Variants in TTC3 observed in about 807,000 individuals in gnomAD.
TTC3 encodes the protein E3 ubiquitin-protein ligase TTC3.
TTC3 carries 180 observed loss-of-function variants against 249.6 expected under a neutral mutation model. The ratio of observed to expected loss-of-function variants is 0.72; its 90% CI spans 0.64 to 0.82. The LOEUF is 0.82. Among genes scored for constraint, TTC3 ranks in the 40% least tolerant of loss-of-function variants. The probability of loss-of-function intolerance (pLI) is 0.00; values close to 1 mark genes in which losing one functional copy is unlikely to be tolerated. For missense variants in TTC3, 2,061 were observed against 2,398.4 expected (o/e 0.86, Z 2.94); for synonymous variants, 717 against 805.0 (o/e 0.89, Z 1.85).
chr21:37,150,919 A>T, intron 25 of TTC3, 35 bp downstream of exon 25: 2 of 1,439,732 alleles, frequency 1.4e-6, no homozygotes, highest in South Asian at 1.2e-5. Flanking sequence ...TGGTTTGATG[A>T]TGTCTCTTAG....
intron 11 of TTC3, among the ~76,000 whole-genome samples, chr21:37,118,752 T>C (rs965459048): frequency 1.3e-5 from 2 of 152,306 alleles, no homozygotes; most frequent in Middle Eastern, 3.4e-3. Flanking sequence ...TTTTTCTAGC[T>C]TCCCTCTCTG....
intron 39 of TTC3, among the ~76,000 whole-genome samples, chr21:37,190,355 C>CT (rs1192360577): frequency 6.6e-6 from 1 of 151,576 alleles, no homozygotes; most frequent in Non-Finnish European, 1.5e-5. Flanking sequence ...ATGCTGGTCT[C>CT]TAACTCCTGA....
intron 6 of TTC3, among the ~76,000 whole-genome samples, 180 bp from the exon 7 acceptor site, chr21:37,091,113 G>A (rs553714015): frequency 6.6e-6 from 1 of 152,278 alleles, no homozygotes; most frequent in East Asian, 1.9e-4. Context: ...CATAGTATCT[G>A]TTAATTTATA....
At chr21:37,176,937 T>A (rs2082332155) in intron 35 of TTC3, among the ~76,000 whole-genome samples, 1 of 152,186 alleles carries the variant, frequency 6.6e-6, no homozygotes, top group Non-Finnish European at 1.5e-5. Flanking sequence ...TGTAGGCATA[T>A]CAGTTAATCA....
chr21:37,165,990 A>G (rs1188121987), exon 33 of TTC3: 1 of 1,614,206 alleles, frequency 6.2e-7, no homozygotes. Flanking sequence ...CCAGTATCCG[A>G]CAATTCTTCT....
chr21:37,133,047 C>CT, intron 17 of TTC3, among the ~76,000 whole-genome samples: 1 of 152,248 alleles, frequency 6.6e-6, no homozygotes, highest in East Asian at 1.9e-4. Context: ...AGAATCCAAT[C>CT]TATCACTAAT....
chr21:37,075,142 A>G (rs1210978252), intron 1 of TTC3, among the ~76,000 whole-genome samples: 2 of 147,770 alleles, frequency 1.4e-5, no homozygotes, highest in African/African-American at 4.9e-5. Flanking sequence ...TGGCATTAAA[A>G]TATACATGCC....
exon 20 of TTC3, chr21:37,140,646 T>C (rs1178506039): frequency 9.3e-6 from 15 of 1,609,826 alleles, no homozygotes; most frequent in South Asian, 3.3e-5. Flanking sequence ...TACTGTGGAA[T>C]TGGAAAAGTA....
chr21:37,112,616 G>A (rs1473616727), intron 11 of TTC3, among the ~76,000 whole-genome samples: 1 of 152,164 alleles, frequency 6.6e-6, no homozygotes, highest in African/African-American at 2.4e-5. Flanking sequence ...ATAGGTACTA[G>A]GAGGAGCTGG....
chr21:37,132,892 T>A (rs2077594823), intron 17 of TTC3, 126 bp downstream of exon 17: 1 of 655,886 alleles, frequency 1.5e-6, no homozygotes, highest in Non-Finnish European at 2.3e-6. Context: ...TATATTGTAG[T>A]TTTGTAGAGA....
At chr21:37,106,118 A>G (rs1394619017) in intron 10 of TTC3, among the ~76,000 whole-genome samples, 1 of 152,192 alleles carries the variant, frequency 6.6e-6, no homozygotes, top group East Asian at 1.9e-4. Flanking sequence ...GTGGGTGTGT[A>G]GTGGTATACC....
At chr21:37,164,193 CAAA>C in exon 32 of TTC3, 1 of 1,607,504 alleles carries the variant, frequency 6.2e-7, no homozygotes, top group African/African-American at 1.3e-5. Flanking sequence ...GAACCCAAAA[CAAA>C]AATGTTCAAC....
intron 35 of TTC3, among the ~76,000 whole-genome samples, chr21:37,177,157 A>C (rs1250762678): frequency 6.6e-6 from 1 of 152,072 alleles, no homozygotes; most frequent in Non-Finnish European, 1.5e-5. Context: ...GAATGGCCTC[A>C]GCTGGGATGA....
At chr21:37,188,357 C>T (rs916007163) in intron 38 of TTC3, 138 bp from the exon 39 acceptor site, 4 of 595,274 alleles carry the variant, frequency 6.7e-6, no homozygotes, top group South Asian at 6.6e-5. Flanking sequence ...ACCTATGATA[C>T]AATCAAGTTC....
intron 35 of TTC3, among the ~76,000 whole-genome samples, chr21:37,177,696 G>T (rs1198320153): frequency 6.6e-6 from 1 of 152,098 alleles, no homozygotes; most frequent in Non-Finnish European, 1.5e-5. Context: ...TCTCCTTTGG[G>T]CATCACTTTC....
exon 8 of TTC3, chr21:37,094,035 A>C: frequency 6.2e-7 from 1 of 1,609,152 alleles, no homozygotes; most frequent in Non-Finnish European, 8.5e-7. Context: ...ATTGTAATGG[A>C]AGACTGCAAT....
intron 33 of TTC3, 100 bp from the exon 34 acceptor site, chr21:37,167,455 G>GA: frequency 1.2e-6 from 1 of 828,684 alleles, no homozygotes; most frequent in Non-Finnish European, 1.9e-6. Flanking sequence ...AAAAAAACTT[G>GA]AAAAAATTGT....
At chr21:37,191,054 C>T (rs999983156) in intron 39 of TTC3, among the ~76,000 whole-genome samples, 5 of 152,084 alleles carry the variant, frequency 3.3e-5, no homozygotes, top group Admixed American at 1.3e-4. Context: ...AGATGAAGAA[C>T]GGTCAAACTT....
At chr21:37,091,976 T>C (rs2073338584) in intron 7 of TTC3, among the ~76,000 whole-genome samples, 1 of 152,230 alleles carries the variant, frequency 6.6e-6, no homozygotes. Flanking sequence ...TGAATGGATA[T>C]TGTAAGTTGT....
Sources: gnomAD v4.1 joint callset for allele counts (sites outside exome capture counted in the v4.1 genomes callset) on GRCh38, gnomAD v4.1.1 for gene constraint, MANE v1.5 for transcripts, NCBI Gene and HGNC (gene_info 2026-07-23, HGNC 2026-07-21) for gene names.